ADGRB3: variants seen among roughly 807,000 people sequenced by gnomAD.
ADGRB3 encodes the protein adhesion G protein-coupled receptor B3, also known as brain-specific angiogenesis inhibitor 3.
In ADGRB3, 37 loss-of-function variants were observed where a neutral mutation model predicts 193.4. The ratio of observed to expected loss-of-function variants is 0.19; its 90% CI spans 0.15 to 0.25. The LOEUF (loss-of-function observed/expected upper bound fraction) is 0.25, where lower values mean the gene tolerates loss of function less well. Ranked by LOEUF, ADGRB3 falls within the 10% of genes least tolerant of loss-of-function variation. The pLI, the probability that ADGRB3 is intolerant of heterozygous loss-of-function variation, is 1.00. For missense variants in ADGRB3, 1,637 were observed against 1,852.9 expected, an observed-to-expected ratio of 0.88 and a Z score of 2.14; for synonymous variants, 690 against 644.2, an observed-to-expected ratio of 1.07 and a Z score of -1.08.
At chr6:69,359,217 G>T (rs570315139) in intron 28 of ADGRB3, among the ~76,000 whole-genome samples, 107 of 151,234 alleles carry the variant, frequency 7.1e-4, no homozygotes, top group Middle Eastern at 3.8e-3. Context: ...TGAATTTGGA[G>T]ATTTTTTTTA....
chr6:69,249,625 G>A (rs1158529626), intron 20 of ADGRB3, among the ~76,000 whole-genome samples: 1 of 152,122 alleles, frequency 6.6e-6, no homozygotes, highest in Non-Finnish European at 1.5e-5. Flanking sequence ...TTCATGCATA[G>A]ACAGAGTTCT....
intron 17 of ADGRB3, among the ~76,000 whole-genome samples, chr6:69,176,519 G>A (rs1352805453): frequency 6.6e-6 from 1 of 152,140 alleles, no homozygotes; most frequent in Non-Finnish European, 1.5e-5. Flanking sequence ...TTTTTGATGT[G>A]CTTCTAATTC....
intron 3 of ADGRB3, among the ~76,000 whole-genome samples, chr6:68,693,691 A>G (rs1034731794): frequency 2.6e-5 from 4 of 152,004 alleles, no homozygotes; most frequent in African/African-American, 9.7e-5. Flanking sequence ...AAAATTAACT[A>G]CACAACCAAC....
At chr6:68,938,417 C>A (rs990684573) in intron 5 of ADGRB3, among the ~76,000 whole-genome samples, 59 of 138,422 alleles carry the variant, frequency 4.3e-4, no homozygotes, top group Non-Finnish European at 1.5e-4. Flanking sequence ...ATGTTTTTAT[C>A]TTGTATAACA....
intron 17 of ADGRB3, among the ~76,000 whole-genome samples, chr6:69,211,447 C>CGT (rs1372547116): frequency 6.6e-6 from 1 of 151,852 alleles, no homozygotes; most frequent in African/African-American, 2.4e-5. Flanking sequence ...TGTTTGTTTG[C>CGT]GTGTGTGTGC....
At chr6:69,388,343 A>C (rs552463759) in intron 31 of ADGRB3, among the ~76,000 whole-genome samples, 1 of 152,216 alleles carries the variant, frequency 6.6e-6, no homozygotes, top group Admixed American at 6.6e-5. Context: ...CACAATACTT[A>C]CATTTTCTAC....
intron 17 of ADGRB3, among the ~76,000 whole-genome samples, chr6:69,092,267 C>T (rs965973019): frequency 1.3e-5 from 2 of 152,182 alleles, no homozygotes; most frequent in Non-Finnish European, 2.9e-5. Flanking sequence ...GTACCAGAAA[C>T]ATCTAGTGTT....
At chr6:69,139,166 C>A (rs551889598) in intron 17 of ADGRB3, among the ~76,000 whole-genome samples, 1 of 152,198 alleles carries the variant, frequency 6.6e-6, no homozygotes, top group East Asian at 1.9e-4. Flanking sequence ...CCCAAGGTAG[C>A]GCTTTACCGG....
intron 17 of ADGRB3, among the ~76,000 whole-genome samples, chr6:69,167,119 T>C (rs1775148506): frequency 6.6e-6 from 1 of 152,294 alleles, no homozygotes; most frequent in African/African-American, 2.4e-5. Flanking sequence ...CATTTATTGC[T>C]CATCCCATGC....
chr6:69,047,156 G>A (rs113425500), intron 13 of ADGRB3, among the ~76,000 whole-genome samples: 1,681 of 152,272 alleles, frequency 0.011, 33 homozygotes, highest in African/African-American at 0.036. Context: ...ACCGCACCCA[G>A]CCAATGAATT....
At chr6:68,941,838 C>G (rs1159160646) in intron 5 of ADGRB3, among the ~76,000 whole-genome samples, 1 of 150,726 alleles carries the variant, frequency 6.6e-6, no homozygotes, top group South Asian at 2.1e-4. Flanking sequence ...ATCATATATA[C>G]ATATATGAAT....
chr6:69,238,386 A>G (rs1157093734), intron 19 of ADGRB3, among the ~76,000 whole-genome samples: 3 of 152,090 alleles, frequency 2.0e-5, no homozygotes, highest in Non-Finnish European at 4.4e-5. Context: ...AGTTTTCTCT[A>G]TGGCTTACAT....
intron 28 of ADGRB3, among the ~76,000 whole-genome samples, chr6:69,358,207 T>C (rs889543570): frequency 3.9e-5 from 6 of 151,920 alleles, no homozygotes; most frequent in Non-Finnish European, 8.8e-5. Context: ...ACCATCAGTG[T>C]TATCATCACC....
At chr6:68,952,590 T>C (rs997857806) in intron 6 of ADGRB3, among the ~76,000 whole-genome samples, 3 of 152,126 alleles carry the variant, frequency 2.0e-5, no homozygotes, top group Non-Finnish European at 2.9e-5. Flanking sequence ...ATGGCACACA[T>C]ATACATATGT....
At chr6:69,165,937 A>T (rs1775122213) in intron 17 of ADGRB3, among the ~76,000 whole-genome samples, 3 of 152,248 alleles carry the variant, frequency 2.0e-5, no homozygotes, top group Admixed American at 6.5e-5. Flanking sequence ...ATCTGAAAAC[A>T]TGTTAAAATG....
At chr6:68,939,226 C>A (rs1199906346) in intron 5 of ADGRB3, among the ~76,000 whole-genome samples, 1 of 152,084 alleles carries the variant, frequency 6.6e-6, no homozygotes, top group Non-Finnish European at 1.5e-5. Flanking sequence ...TAAAGTTTTT[C>A]GTCCCCATTT....
chr6:69,250,848 T>C (rs1197882699), intron 20 of ADGRB3, among the ~76,000 whole-genome samples: 1 of 152,198 alleles, frequency 6.6e-6, no homozygotes, highest in Non-Finnish European at 1.5e-5. Context: ...TAAACATATG[T>C]CTGTTTAAAA....
In ADGRB3 at chr6:68,653,797, G is replaced by A. The variant is rs1259610434; in HGVS notation, c.757+14365G>A. Among the ~76,000 whole-genome samples, 8 of 151,912 alleles carry A rather than the reference G, an allele frequency of 5.3e-5. No homozygotes were observed. The East Asian group carries it at 1.6e-3, about 30-fold the overall frequency. On this transcript the variant is annotated intron_variant, in intron 3 of 31. Coordinates refer to ENST00000370598, the MANE Select transcript of ADGRB3 (RefSeq NM_001704.3). ...TGGTTTTGCTGAAAGGTAAGAACTT[G>A]TCCTGTTCTCTTTTTGTCCTTCCTT...
At chr6:68,786,100 G>T (rs1364103950) in intron 3 of ADGRB3, among the ~76,000 whole-genome samples, 1 of 151,746 alleles carries the variant, frequency 6.6e-6, no homozygotes, top group African/African-American at 2.4e-5. Context: ...CGATTCTGTA[G>T]GTTGCCTGTT....
Sources: gnomAD v4.1 joint callset for allele counts (sites outside exome capture counted in the v4.1 genomes callset) on GRCh38, gnomAD v4.1.1 for gene constraint, MANE v1.5 for transcripts, NCBI Gene and HGNC (gene_info 2026-07-23, HGNC 2026-07-21) for gene names.